EHD2: variants seen among roughly 807,000 people sequenced by gnomAD.
The protein encoded by EHD2 is EH domain containing 2.
In EHD2, 27 loss-of-function variants were observed where a neutral mutation model predicts 41.0. That is an observed-to-expected ratio of 0.66 (90% confidence interval 0.49 to 0.91). EHD2 has a LOEUF of 0.91. Among genes scored for constraint, EHD2 ranks in the 40% least tolerant of loss-of-function variants. EHD2 has a pLI of 0.00. For missense variants in EHD2, 673 were observed against 773.9 expected, an observed-to-expected ratio of 0.87 and a Z score of 1.55; for synonymous variants, 342 against 341.0, an observed-to-expected ratio of 1.00 and a Z score of -0.03.
chr19:47,721,337 T>G (rs1180775752), intron 3 of EHD2, among the ~76,000 whole-genome samples: 2 of 151,862 alleles, frequency 1.3e-5, no homozygotes, highest in Non-Finnish European at 2.9e-5. Flanking sequence ...TTTTTTGAGA[T>G]GGAGTCTTAC....
intron 3 of EHD2, among the ~76,000 whole-genome samples, chr19:47,724,783 C>T (rs570932616): frequency 8.6e-5 from 13 of 151,892 alleles, no homozygotes; most frequent in African/African-American, 3.1e-4. Context: ...AACTTCTCAG[C>T]CTGGCCAACA....
intron 5 of EHD2, among the ~76,000 whole-genome samples, chr19:47,739,580 G>A (rs1321255205): frequency 1.5e-5 from 2 of 130,954 alleles, no homozygotes; most frequent in African/African-American, 2.9e-5. Flanking sequence ...CAGCCTGGGT[G>A]ACAGAGCGAA....
At chr19:47,737,374 C>T (rs571847610) in intron 5 of EHD2, among the ~76,000 whole-genome samples, 32 of 151,406 alleles carry the variant, frequency 2.1e-4, no homozygotes, top group Non-Finnish European at 4.1e-4. Context: ...AAAATATACA[C>T]AGCTGGGTGC....
At chr19:47,722,437 G>A (rs57240181) in intron 3 of EHD2, among the ~76,000 whole-genome samples, 3,553 of 152,182 alleles carry the variant, frequency 0.023, 135 homozygotes, top group African/African-American at 0.082. Flanking sequence ...TGCGTTGCCC[G>A]CAAGGAGGCT....
Position 47,742,678 on chromosome 19 carries a change from G to C in EHD2, c.*1246G>C, listed in dbSNP as rs1967004584. 6.6e-6 allele frequency: 1 copy of C among 152,638 alleles called. No homozygotes were observed. Among genetic ancestry groups the C allele is most frequent in the Non-Finnish European group, 1.5e-5 (1 of 68,190 alleles). The allele number at this position is 152,638 out of a possible 1,614,324, so 9.5% of individuals were successfully genotyped here. A position where few individuals can be genotyped will look rare whatever the true frequency, so the allele number is the denominator to read the frequency against. On this transcript the variant is annotated 3_prime_UTR_variant, in exon 6 of 6. Coordinates refer to ENST00000263277, the MANE Select transcript of EHD2 (RefSeq NM_014601.4). ...GGAGATATTTCCGTCCTCCACCCAC[G>C]TGTCTGTGGCTGGAACTGCCCAGCC...
intron 5 of EHD2, among the ~76,000 whole-genome samples, chr19:47,737,007 G>A (rs529967052): frequency 1.6e-4 from 24 of 152,074 alleles, no homozygotes; most frequent in East Asian, 5.8e-4. Context: ...CGAGGCGGGC[G>A]GATCACGAGG....
chr19:47,718,459 C>T, intron 2 of EHD2, 50 bp from the exon 3 acceptor site: 1 of 1,481,354 alleles, frequency 6.8e-7, no homozygotes, highest in African/African-American at 1.4e-5. Context: ...TTCGTGTTTT[C>T]CCTCCTTCTG....
chr19:47,716,418 T>G, intron 1 of EHD2, 140 bp from the exon 2 acceptor site: 2 of 534,160 alleles, frequency 3.7e-6, no homozygotes, highest in Non-Finnish European at 6.2e-6. Context: ...CCATGCTCTG[T>G]GACCACATAT....
At chr19:47,728,760 G>T (rs1320576713) in intron 4 of EHD2, among the ~76,000 whole-genome samples, 1 of 151,770 alleles carries the variant, frequency 6.6e-6, no homozygotes, top group African/African-American at 2.4e-5. Context: ...AGTGGAGACG[G>T]GGTTTCACCA....
At chr19:47,720,099 T>C (rs1973679753) in intron 3 of EHD2, among the ~76,000 whole-genome samples, 1 of 148,244 alleles carries the variant, frequency 6.7e-6, no homozygotes, top group Admixed American at 6.7e-5. Flanking sequence ...TGACTTTGAA[T>C]TGTGTACATG....
At chr19:47,735,019 T>C (rs1231399617) in intron 4 of EHD2, among the ~76,000 whole-genome samples, 1 of 152,128 alleles carries the variant, frequency 6.6e-6, no homozygotes, top group Non-Finnish European at 1.5e-5. Context: ...GCCACTGTCC[T>C]CCAGCCTGGG....
chr19:47,718,605 C>A lies in EHD2; in HGVS notation c.501C>A (p.Arg167=), dbSNP rs368179494. 1.3e-6 allele frequency: 2 copies of A among 1,548,784 alleles called. No individual in the cohort carries two copies. The highest frequency in any genetic ancestry group is 1.4e-5 in the African/African-American group (1 of 72,324). The change falls in exon 3 of 6, where the codon CGC becomes CGA. Residue 167 remains arginine (R), a splice_region_variant and synonymous_variant. Transcript: ENST00000263277. ...ILSGAKQRVS[R]GYDFPAVLRW... The stretch of plus-strand genomic sequence containing the variant: ...CGGGTGCCAAGCAGAGAGTGAGCCG[C>A]GGTGAGTGGGGCCAGACCCTGGGGT...
chr19:47,731,277 AAAATAT>A (rs1288906216), intron 4 of EHD2: 13 of 26,952 alleles, frequency 4.8e-4, no homozygotes, highest in African/African-American at 1.1e-3. Flanking sequence ...TAAAAAAAAA[AAAATAT>A]ATATATATAT....
At chr19:47,727,886 A>G (rs1383650367) in intron 4 of EHD2, among the ~76,000 whole-genome samples, 2 of 152,054 alleles carry the variant, frequency 1.3e-5, no homozygotes, top group Non-Finnish European at 2.9e-5. Flanking sequence ...ACTTGAGGTC[A>G]GGAGTTCGAG....
rs1331210058 is a variant in EHD2, at chr19:47,719,496, C to T, written c.502+890C>T. Among the ~76,000 whole-genome samples the T allele has an allele frequency of 1.3e-5, 2 of 152,164 alleles. No homozygotes were observed. Among genetic ancestry groups the T allele is most frequent in the Non-Finnish European group, 2.9e-5 (2 of 68,012 alleles). On this transcript the variant is annotated intron_variant, in intron 3 of 5. Transcript: ENST00000263277. The surrounding 1 kb of genome is among the most constrained non-coding windows in gnomAD (Gnocchi z 4.1). ...CCCTCACCACCCCTGCCCAGCCCAG[C>T]TCAGCATCTGTGGTCCCCCAGCCCC...
chr19:47,731,288 A>ATG (rs1973810239), intron 4 of EHD2: 1 of 92,342 alleles, frequency 1.1e-5, no homozygotes, highest in African/African-American at 3.1e-5. Flanking sequence ...AAATATATAT[A>ATG]TATATATATA....
intron 4 of EHD2, 27 bp from the exon 5 acceptor site, chr19:47,736,342 A>C (rs1204204232): frequency 6.3e-7 from 1 of 1,589,468 alleles, no homozygotes. Context: ...ACCCTGATGC[A>C]GGCTGAGGTG....
Position 47,742,116 on chromosome 19 carries a change from C to G in EHD2, c.*684C>G. 1 of 344,958 alleles carries G rather than the reference C, an allele frequency of 2.9e-6. No homozygotes were observed. Among genetic ancestry groups the G allele is most frequent in the Non-Finnish European group, 5.6e-6 (1 of 177,598 alleles). 21.4% of individuals were successfully genotyped at this position (344,958 alleles called of 1,614,324 possible). A position where few individuals can be genotyped will look rare whatever the true frequency, so the allele number is the denominator to read the frequency against. The stretch of plus-strand genomic sequence containing the variant: ...GGGAAAGCCCCCAATTCTGCCCACA[C>G]CCATTTATTTCCTTCCTTCCTTCCT... On this transcript the variant is annotated 3_prime_UTR_variant, in exon 6 of 6. Transcript: ENST00000263277.
Position 47,741,524 on chromosome 19 carries a change from C to T in EHD2, c.*92C>T. On this transcript the variant is annotated 3_prime_UTR_variant, in exon 6 of 6. Coordinates refer to ENST00000263277, the MANE Select transcript of EHD2 (RefSeq NM_014601.4). This position sits in a 1 kb window ranked among gnomAD's most constrained non-coding sequence, Gnocchi z 4.5. ...TCCGGCTCACACACGCCCTGCCTGC[C>T]CTCCCTGCCCAGCTGTAAGGACCGG... The T allele has an allele frequency of 1.4e-6, 2 of 1,395,430 alleles. No homozygotes were observed. The highest frequency in any genetic ancestry group is 1.9e-6 in the Non-Finnish European group (2 of 1,040,042). 86.4% of individuals were successfully genotyped at this position (1,395,430 alleles called of 1,614,324 possible).
Sources: gnomAD v4.1 joint callset for allele counts (sites outside exome capture counted in the v4.1 genomes callset) on GRCh38, gnomAD v4.1.1 for gene constraint, Gnocchi (gnomAD v3.1) non-coding constraint, MANE v1.5 for transcripts, NCBI Gene and HGNC (gene_info 2026-07-23, HGNC 2026-07-21) for gene names.